The following NCKAP5L variants were observed in gnomAD, a reference collection of about 807,000 sequenced individuals.
The protein encoded by NCKAP5L is nck-associated protein 5-like.
A neutral mutation model predicts 103.2 loss-of-function variants in NCKAP5L; 54 were observed. The ratio of observed to expected loss-of-function variants is 0.52; its 90% CI spans 0.42 to 0.66. The LOEUF (loss-of-function observed/expected upper bound fraction) is 0.66. Among genes scored for constraint, NCKAP5L ranks in the 30% least tolerant of loss-of-function variants. The pLI, the probability that NCKAP5L is intolerant of heterozygous loss-of-function variation, is 0.00. For synonymous variants in NCKAP5L, 762 were observed against 748.6 expected, an observed-to-expected ratio of 1.02 and a Z score of -0.29; for missense variants, 1,733 against 1,750.6, an observed-to-expected ratio of 0.99 and a Z score of 0.18.
chr12:49,819,529 C>T (rs751532099), intron 1 of NCKAP5L, among the ~76,000 whole-genome samples: 4 of 152,120 alleles, frequency 2.6e-5, no homozygotes, highest in Non-Finnish European at 5.9e-5. Flanking sequence ...TTGGTAACAA[C>T]GTGGATGAAT....
At chr12:49,812,140 A>T (rs1285048690) in intron 1 of NCKAP5L, among the ~76,000 whole-genome samples, 1 of 152,144 alleles carries the variant, frequency 6.6e-6, no homozygotes, top group Non-Finnish European at 1.5e-5. Flanking sequence ...AACATGGTTA[A>T]TTTTAGAACA....
Position 49,796,117 on chromosome 12 carries a change from C to T in NCKAP5L, c.1743G>A (p.Val581=), listed in dbSNP as rs1383788986. 1.9e-6 allele frequency: 3 copies of T among 1,610,472 alleles called. No homozygotes were observed. Among genetic ancestry groups the T allele is most frequent in the Middle Eastern group, 1.6e-4 (1 of 6,070 alleles). ...CCAGAGTTAGCTGTGGGTAGGTGGG[C>T]ACCTGCAGTGGGGATGGAGGTGGCT... The part of the protein sequence containing the change: ...SPEPPPSPLQ[V]PTYPQLTLEV... Residue 581 remains valine (V), a synonymous_variant, in exon 8 of 13, where the codon GTG becomes GTA. Transcript: ENST00000335999.
intron 2 of NCKAP5L, chr12:49,804,965 G>A (rs1946163590): frequency 6.6e-6 from 1 of 152,268 alleles, no homozygotes; most frequent in African/African-American, 2.4e-5. Flanking sequence ...GGACAAAGTG[G>A]GAAGTGCCCT....
In NCKAP5L at chr12:49,811,501, C is replaced by T. The variant is rs148043548; in HGVS notation, c.-98-5460G>A. 1.5e-3 allele frequency among the ~76,000 whole-genome samples: 223 copies of T among 152,248 alleles called. 2 individuals are homozygous for T. Among genetic ancestry groups the T allele is most frequent in the Middle Eastern group, 6.8e-3 (2 of 294 alleles). On this transcript the variant is annotated intron_variant, in intron 1 of 12. Transcript: ENST00000335999. ...TTACAGCAGATGAGTTGCCTGCTCC[C>T]GGGCAAAGCCAGTCCTGCTTGTCCC...
intron 1 of NCKAP5L, among the ~76,000 whole-genome samples, chr12:49,808,635 T>C (rs1223563235): frequency 1.3e-5 from 2 of 152,200 alleles, no homozygotes; most frequent in Non-Finnish European, 2.9e-5. Context: ...CTGGGCTTTC[T>C]GCCTGCCTCT....
intron 1 of NCKAP5L, among the ~76,000 whole-genome samples, chr12:49,826,112 G>C (rs1411138268): frequency 2.0e-5 from 3 of 151,140 alleles, no homozygotes; most frequent in Non-Finnish European, 4.4e-5. Context: ...CCTTGCCTGG[G>C]ACCTGGGGGT....
Position 49,809,190 on chromosome 12 carries a change from G to T in NCKAP5L, c.-98-3149C>A, listed in dbSNP as rs1487291400. 2.6e-5 allele frequency among the ~76,000 whole-genome samples: 4 copies of T among 152,272 alleles called. No homozygotes were observed. In the East Asian group the frequency reaches 7.7e-4, roughly 29 times the overall value. ...TCCCTTCCCCCTTAAAGCCAGGAGG[G>T]GACAGGGGCTTTCAGGGCCTCCAAA... is the stretch of plus-strand genomic sequence containing the variant. On this transcript the variant is annotated intron_variant, in intron 1 of 12. Coordinates refer to ENST00000335999, the MANE Select transcript of NCKAP5L (RefSeq NM_001037806.4).
At chr12:49,816,175 G>A (rs542034566) in intron 1 of NCKAP5L, among the ~76,000 whole-genome samples, 1 of 152,220 alleles carries the variant, frequency 6.6e-6, no homozygotes, top group Non-Finnish European at 1.5e-5. Flanking sequence ...GTTAGAAGGG[G>A]AGCTCCCCGA....
Position 49,795,582 on chromosome 12 carries a change from G to A in NCKAP5L, c.2278C>T (p.Arg760Trp), listed in dbSNP as rs371319353. 31 of 1,556,934 alleles carry A rather than the reference G, an allele frequency of 2.0e-5. No individual in the cohort carries two copies. In the East Asian group the frequency reaches 3.6e-4, roughly 18 times the overall value. ...RVYSSHSMGA[R>W]VDLEPVSPRS... ...GGTGAGACAGGCTCCAGGTCCACCC[G>A]GGCCCCCATGGAGTGAGAGGAGTAG... The change falls in exon 8 of 13, where the codon CGG (arginine) becomes TGG (tryptophan). Residue 760 changes from arginine to tryptophan, a missense_variant. Coordinates refer to ENST00000335999, the MANE Select transcript of NCKAP5L (RefSeq NM_001037806.4).
rs754299072 is a variant in NCKAP5L, at chr12:49,797,387, C to G, written c.473G>C (p.Trp158Ser). The G allele has an allele frequency of 6.2e-7, 1 of 1,603,134 alleles. No homozygotes were observed. The highest frequency in any genetic ancestry group is 1.1e-5 in the South Asian group (1 of 89,806). The stretch of plus-strand genomic sequence containing the variant: ...GCCTCCTGGCCTCAGCTGCTGCTCC[C>G]AACATACCTTAGGGGAGAGATGATG... ...GHCAGQREVC[W>S]EQQLRPGGPG... Residue 158 changes from tryptophan (W) to serine (S), a missense_variant, in exon 8 of 13, where the codon TGG becomes TCG. Physicochemically the swap from Trp to Ser is radical, Grantham distance 177. Coordinates refer to ENST00000335999, the MANE Select transcript of NCKAP5L (RefSeq NM_001037806.4). The surrounding 1 kb of genome is among the most constrained non-coding windows in gnomAD (Gnocchi z 4.5).
intron 6 of NCKAP5L, among the ~76,000 whole-genome samples, chr12:49,799,726 G>C (rs909233468): frequency 4.6e-5 from 7 of 152,230 alleles, no homozygotes; most frequent in Non-Finnish European, 8.8e-5. Context: ...TGGCTGGCCA[G>C]CTCTTCCCAT....
At chr12:49,817,601 G>C (rs1946313092) in intron 1 of NCKAP5L, among the ~76,000 whole-genome samples, 1 of 151,976 alleles carries the variant, frequency 6.6e-6, no homozygotes, top group Non-Finnish European at 1.5e-5. Context: ...AAAATAGCAT[G>C]GTACTGGCAT....
At chr12:49,819,588 A>G (rs1451517924) in intron 1 of NCKAP5L, among the ~76,000 whole-genome samples, 3 of 152,134 alleles carry the variant, frequency 2.0e-5, no homozygotes, top group Admixed American at 6.5e-5. Flanking sequence ...GACAAATACC[A>G]CGTGATCTCA....
In NCKAP5L at chr12:49,792,753, G is replaced by T; in HGVS notation, c.3574C>A (p.His1192Asn). ...GIEELLVSGRHPSMPAFPALL... is the reference protein window; with the variant it reads ...GIEELLVSGRNPSMPAFPALL... The stretch of plus-strand genomic sequence containing the variant: ...GCAGGGAAGGCTGGCATGCTGGGGT[G>T]CCGCCCACTCACCAGCAGCTCCTCT... Residue 1192 changes from histidine to asparagine, a missense_variant, in exon 11 of 13, where the codon CAC (histidine) becomes AAC (asparagine). His to Asn is a moderately conservative substitution (Grantham distance 68). Transcript: ENST00000335999. This position sits in a 1 kb window ranked among gnomAD's most constrained non-coding sequence, Gnocchi z 4.5. 1 of 1,608,922 alleles carries T rather than the reference G, an allele frequency of 6.2e-7. No individual in the cohort carries two copies.
At chr12:49,825,699 C>G (rs1177222608) in intron 1 of NCKAP5L, among the ~76,000 whole-genome samples, 2 of 152,128 alleles carry the variant, frequency 1.3e-5, no homozygotes, top group Non-Finnish European at 2.9e-5. Flanking sequence ...TTAACCTAAA[C>G]ACCTCCTGCT....
chr12:49,826,298 C>T (rs1946415974), intron 1 of NCKAP5L, among the ~76,000 whole-genome samples: 1 of 151,986 alleles, frequency 6.6e-6, no homozygotes, highest in African/African-American at 2.4e-5. Flanking sequence ...AATCTGCTTA[C>T]CCTGCTGGCC....
At chr12:49,825,461 C>T (rs973750442) in intron 1 of NCKAP5L, among the ~76,000 whole-genome samples, 1 of 152,168 alleles carries the variant, frequency 6.6e-6, no homozygotes, top group African/African-American at 2.4e-5. Flanking sequence ...GACCCCACTT[C>T]GGCTGTCAGG....
At chr12:49,807,697 G>A (rs1026758284) in intron 1 of NCKAP5L, among the ~76,000 whole-genome samples, 1 of 152,202 alleles carries the variant, frequency 6.6e-6, no homozygotes, top group Admixed American at 6.5e-5. Context: ...GTGAAACCCA[G>A]AATGTCTCAG....
In NCKAP5L at chr12:49,797,318, G is replaced by C. The variant is rs1946068220; in HGVS notation, c.542C>G (p.Ser181Cys). The change falls in exon 8 of 13, where the codon TCC becomes TGC. Residue 181 changes from serine to cysteine, a missense_variant. Ser to Cys is a moderately radical substitution (Grantham distance 112). Coordinates refer to ENST00000335999, the MANE Select transcript of NCKAP5L (RefSeq NM_001037806.4). The surrounding 1 kb of genome is among the most constrained non-coding windows in gnomAD (Gnocchi z 4.5). ...AAPPPALDAL[S>C]PFLRKKAQIL... ...CTGGGCCTTCTTCCGAAGGAACGGG[G>C]ATAGGGCATCCAGCGCTGGGGGTGG... 6.2e-7 allele frequency: 1 copy of C among 1,613,002 alleles called. No individual in the cohort carries two copies. The highest frequency in any genetic ancestry group is 1.7e-5 in the Admixed American group (1 of 59,966).
Sources: gnomAD v4.1 joint callset for allele counts (sites outside exome capture counted in the v4.1 genomes callset) on GRCh38, gnomAD v4.1.1 for gene constraint, Gnocchi (gnomAD v3.1) non-coding constraint, MANE v1.5 for transcripts, NCBI Gene and HGNC (gene_info 2026-07-23, HGNC 2026-07-21) for gene names.